NDUFB6: variants seen among roughly 807,000 people sequenced by gnomAD.
NDUFB6 encodes the protein NADH dehydrogenase [ubiquinone] 1 beta subcomplex subunit 6.
Under a neutral mutation model 17.5 loss-of-function variants are expected in NDUFB6, and 23 were observed. The ratio of observed to expected loss-of-function variants is 1.31; its 90% CI spans 0.94 to 1.86. The LOEUF (loss-of-function observed/expected upper bound fraction) is 1.86. NDUFB6 is among the 40% of genes most tolerant of loss of function. The probability of loss-of-function intolerance (pLI) is 0.00; values close to 1 mark genes in which losing one functional copy is unlikely to be tolerated. For missense variants in NDUFB6, 167 were observed against 153.8 expected (o/e 1.09, Z -0.46); for synonymous variants, 60 against 53.5 (o/e 1.12, Z -0.53).
intron 2 of NDUFB6, among the ~76,000 whole-genome samples, chr9:32,561,159 T>C (rs1821613831): frequency 6.6e-6 from 1 of 152,192 alleles, no homozygotes; most frequent in Non-Finnish European, 1.5e-5. Context: ...CCCTTTTTAA[T>C]AGTTGTAGAG....
At chr9:32,555,501 G>T (rs1056982436) in intron 3 of NDUFB6, among the ~76,000 whole-genome samples, 4 of 152,224 alleles carry the variant, frequency 2.6e-5, no homozygotes, top group African/African-American at 9.6e-5. Flanking sequence ...AGACAAGCTG[G>T]TAACTGTGTA....
In NDUFB6 at chr9:32,557,358, G is replaced by C. The variant is rs1821493146; in HGVS notation, c.318+1552C>G. Among the ~76,000 whole-genome samples the C allele has an allele frequency of 1.3e-5, 2 of 151,592 alleles. 1 individual carries two copies. ...TTTGTATTTTTTTTTTAGTACAGAT[G>C]GTGTTTCACCATGTTGGCCAGGCTG... On this transcript the variant is annotated intron_variant, in intron 3 of 3. Transcript: ENST00000379847.
chr9:32,564,764 G>A (rs1821730818), intron 2 of NDUFB6, among the ~76,000 whole-genome samples: 1 of 152,146 alleles, frequency 6.6e-6, no homozygotes, highest in South Asian at 2.1e-4. Context: ...AGCAGGAGCA[G>A]GGTTCAGCTG....
At chr9:32,556,910 G>A (rs1285436206) in intron 3 of NDUFB6, among the ~76,000 whole-genome samples, 3 of 137,746 alleles carry the variant, frequency 2.2e-5, no homozygotes, top group Non-Finnish European at 4.6e-5. Context: ...GGAGTGCAGT[G>A]GCGCAATCTT....
intron 2 of NDUFB6, chr9:32,568,744 A>ATTT (rs1419872931): frequency 1.7e-5 from 2 of 120,534 alleles, no homozygotes; most frequent in African/African-American, 7.2e-5. Context: ...ATATATATAT[A>ATTT]TATATTTTTT....
intron 2 of NDUFB6, among the ~76,000 whole-genome samples, chr9:32,560,546 T>G (rs377433097): frequency 6.6e-6 from 1 of 152,242 alleles, no homozygotes; most frequent in Admixed American, 6.5e-5. Context: ...TAAGATAATC[T>G]GGCTAACAGA....
chr9:32,563,504 T>TTTTTTTTTTTTTTTTTGG (rs74178817), intron 2 of NDUFB6, among the ~76,000 whole-genome samples: 1 of 148,764 alleles, frequency 6.7e-6, no homozygotes, highest in Non-Finnish European at 1.5e-5. Flanking sequence ...TTTTTTTTTT[T>TTTTTTTTTTTTTTTTTGG]GGAGGGATGG....
Position 32,553,835 on chromosome 9 carries a change from C to A in NDUFB6, c.*41G>T. 7.6e-7 allele frequency: 1 copy of A among 1,319,696 alleles called. No individual in the cohort carries two copies. Among genetic ancestry groups the A allele is most frequent in the South Asian group, 1.2e-5 (1 of 80,918 alleles). 81.7% of individuals were successfully genotyped at this position (1,319,696 alleles called of 1,614,324 possible). A position where few individuals can be genotyped will look rare whatever the true frequency, so the allele number is the denominator to read the frequency against. On this transcript the variant is annotated 3_prime_UTR_variant, in exon 4 of 4. Coordinates refer to ENST00000379847, the MANE Select transcript of NDUFB6 (RefSeq NM_002493.5). ...TTCAGTAAATATGGTAATATAGGAA[C>A]AAACTTAGGCTCATAAGCCTTTTAA...
In NDUFB6 at chr9:32,567,088, C is replaced by T. The variant is rs891566380; in HGVS notation, c.273+3872G>A. 3 of 486,578 alleles carry T rather than the reference C, an allele frequency of 6.2e-6. No individual in the cohort carries two copies. The East Asian group carries it at 1.9e-4, about 31-fold the overall frequency. The allele number at this position is 486,578 out of a possible 1,614,324, so 30.1% of individuals were successfully genotyped here. A position where few individuals can be genotyped will look rare whatever the true frequency, so the allele number is the denominator to read the frequency against. On this transcript the variant is annotated intron_variant, in intron 2 of 3. Coordinates refer to ENST00000379847, the MANE Select transcript of NDUFB6 (RefSeq NM_002493.5). ...CCATGCCAAACTTCCTCGGGCTGCACAGGGCCCGCAGCTTCACAGTCTTGT... is the reference window on the plus strand; with the variant it reads ...CCATGCCAAACTTCCTCGGGCTGCATAGGGCCCGCAGCTTCACAGTCTTGT...
At chr9:32,556,892 C>T (rs1392349227) in intron 3 of NDUFB6, among the ~76,000 whole-genome samples, 1 of 130,070 alleles carries the variant, frequency 7.7e-6, no homozygotes, top group Admixed American at 9.2e-5. Context: ...TGCTCTGTCG[C>T]TAAGGCTGGA....
chr9:32,571,243 T>C (rs1477018908), intron 1 of NDUFB6, among the ~76,000 whole-genome samples, 191 bp from the exon 2 acceptor site: 2 of 152,228 alleles, frequency 1.3e-5, no homozygotes, highest in Admixed American at 1.3e-4. Context: ...TGCTAGAAGA[T>C]ACCTACAAAG....
chr9:32,560,138 G>T (rs1197310117), intron 2 of NDUFB6, among the ~76,000 whole-genome samples: 1 of 152,248 alleles, frequency 6.6e-6, no homozygotes, highest in African/African-American at 2.4e-5. Context: ...CAGCAAAGGA[G>T]TGAGCTGAAG....
chr9:32,563,967 T>A (rs1341730975), intron 2 of NDUFB6, among the ~76,000 whole-genome samples: 1 of 152,194 alleles, frequency 6.6e-6, no homozygotes, highest in Non-Finnish European at 1.5e-5. Context: ...ATCTTATACT[T>A]TCTCTCCTCC....
intron 1 of NDUFB6, among the ~76,000 whole-genome samples, chr9:32,571,708 ATAAAT>A (rs1441516343): frequency 2.6e-5 from 4 of 152,192 alleles, no homozygotes; most frequent in East Asian, 3.8e-4. Flanking sequence ...TTATAAAAGA[ATAAAT>A]TAAAGTAAGG....
chr9:32,555,923 C>A (rs573504543), intron 3 of NDUFB6, among the ~76,000 whole-genome samples: 37 of 152,334 alleles, frequency 2.4e-4, no homozygotes, highest in African/African-American at 7.9e-4. Context: ...TTGCCAAGAA[C>A]CAGTGACTAC....
intron 2 of NDUFB6, chr9:32,566,565 GACTGGAGCTTCTGGC>G (rs1821796288): frequency 1.3e-6 from 1 of 780,608 alleles, no homozygotes; most frequent in Non-Finnish European, 2.4e-6. Flanking sequence ...GTACTGCACA[GACTGGAGCTTCTGGC>G]ACATGGAGCG....
intron 2 of NDUFB6, among the ~76,000 whole-genome samples, chr9:32,569,913 T>C (rs372988581): frequency 6.6e-6 from 1 of 152,232 alleles, no homozygotes; most frequent in African/African-American, 2.4e-5. Context: ...AACTTTTATA[T>C]GCACTAGGAA....
intron 2 of NDUFB6, chr9:32,566,996 A>T (rs1821813592): frequency 2.0e-6 from 1 of 505,360 alleles, no homozygotes; most frequent in Non-Finnish European, 3.9e-6. Flanking sequence ...GCTCCATGCC[A>T]TCCTCGTACG....
At chr9:32,561,854 A>T (rs1821635998) in intron 2 of NDUFB6, among the ~76,000 whole-genome samples, 2 of 152,142 alleles carry the variant, frequency 1.3e-5, no homozygotes, top group South Asian at 4.1e-4. Context: ...CTCAACTGAC[A>T]TCTACTAAAA....
Sources: gnomAD v4.1 joint callset for allele counts (sites outside exome capture counted in the v4.1 genomes callset) on GRCh38, gnomAD v4.1.1 for gene constraint, MANE v1.5 for transcripts, NCBI Gene and HGNC (gene_info 2026-07-23, HGNC 2026-07-21) for gene names.